The following ITPR2 variants were observed in gnomAD, a reference collection of about 807,000 sequenced individuals.
ITPR2 encodes the protein inositol 1,4,5-trisphosphate receptor type 2.
ITPR2 carries 207 observed loss-of-function variants against 317.1 expected under a neutral mutation model. The observed-to-expected ratio is 0.65, with a 90% confidence interval of 0.58 to 0.73. The LOEUF (loss-of-function observed/expected upper bound fraction) is 0.73. Among genes scored for constraint, ITPR2 ranks in the 30% least tolerant of loss-of-function variants. The pLI, the probability that ITPR2 is intolerant of heterozygous loss-of-function variation, is 0.00. For synonymous variants in ITPR2, 1,156 were observed against 1,149.1 expected (o/e 1.01, Z -0.12); for missense variants, 2,613 against 3,284.0 (o/e 0.80, Z 4.99).
chr12:26,751,736 G>T (rs1212832938), intron 2 of ITPR2, among the ~76,000 whole-genome samples: 2 of 151,974 alleles, frequency 1.3e-5, no homozygotes, highest in Admixed American at 1.3e-4. Context: ...CGTGGTGGTG[G>T]GCGCCTGTAG....
At chr12:26,668,773 A>G (rs755568261) in intron 13 of ITPR2, among the ~76,000 whole-genome samples, 40 of 151,866 alleles carry the variant, frequency 2.6e-4, no homozygotes, top group Non-Finnish European at 3.4e-4. Context: ...GTATTTTAAA[A>G]AGGCCAATAT....
intron 22 of ITPR2, among the ~76,000 whole-genome samples, chr12:26,631,496 T>C (rs1422571818): frequency 6.6e-6 from 1 of 152,172 alleles, no homozygotes; most frequent in African/African-American, 2.4e-5. Context: ...CAATTAAAAA[T>C]AGGAAAAGAG....
At chr12:26,618,653 C>T (rs1375627903) in intron 26 of ITPR2, among the ~76,000 whole-genome samples, 1 of 152,068 alleles carries the variant, frequency 6.6e-6, no homozygotes, top group African/African-American at 2.4e-5. Flanking sequence ...TGTAGATATC[C>T]CAAAAAATCT....
intron 10 of ITPR2, among the ~76,000 whole-genome samples, chr12:26,695,023 C>A (rs1470061420): frequency 6.6e-6 from 1 of 152,104 alleles, no homozygotes; most frequent in Non-Finnish European, 1.5e-5. Flanking sequence ...AGATACTGGC[C>A]ATGTTAATTA....
intron 2 of ITPR2, among the ~76,000 whole-genome samples, chr12:26,784,186 C>A (rs144124714): frequency 1.3e-5 from 2 of 151,766 alleles, no homozygotes; most frequent in African/African-American, 4.8e-5. Context: ...ATTCTATGTA[C>A]GTTTTCACAA....
intron 32 of ITPR2, among the ~76,000 whole-genome samples, chr12:26,586,096 T>C (rs1425041064): frequency 1.3e-5 from 2 of 152,248 alleles, no homozygotes; most frequent in African/African-American, 2.4e-5. Context: ...TGATGGTTAT[T>C]ACCCTTTTTA....
chr12:26,813,582 C>T (rs1950794182), intron 1 of ITPR2, among the ~76,000 whole-genome samples: 2 of 152,184 alleles, frequency 1.3e-5, no homozygotes, highest in Non-Finnish European at 2.9e-5. Flanking sequence ...TTTAGCCACA[C>T]CAAACTGCTG....
At chr12:26,732,955 C>T (rs772893669) in intron 2 of ITPR2, among the ~76,000 whole-genome samples, 3 of 152,196 alleles carry the variant, frequency 2.0e-5, no homozygotes, top group Non-Finnish European at 4.4e-5. Flanking sequence ...GCCTCTTTCC[C>T]ATAATAGATG....
At chr12:26,781,937 G>T (rs1185534100) in intron 2 of ITPR2, among the ~76,000 whole-genome samples, 2 of 147,302 alleles carry the variant, frequency 1.4e-5, no homozygotes, top group African/African-American at 5.1e-5. Context: ...GACTCAGATG[G>T]CCTATTGTGG....
intron 40 of ITPR2, 23 bp from the exon 41 acceptor site, chr12:26,486,383 A>G (rs1338952050): frequency 3.2e-6 from 5 of 1,568,592 alleles, no homozygotes; most frequent in Non-Finnish European, 4.4e-6. Flanking sequence ...CAGTACTTTT[A>G]TATTTCTGAA....
intron 2 of ITPR2, among the ~76,000 whole-genome samples, chr12:26,742,572 T>C (rs1949249936): frequency 6.6e-6 from 1 of 152,162 alleles, no homozygotes; most frequent in Non-Finnish European, 1.5e-5. Context: ...CCCAGCACTT[T>C]GGGAGGCTGA....
intron 24 of ITPR2, chr12:26,623,525 A>C (rs1946550195): frequency 6.6e-6 from 1 of 152,144 alleles, no homozygotes; most frequent in African/African-American, 2.4e-5. Context: ...TTATATATTA[A>C]ATTTTATCAT....
intron 22 of ITPR2, among the ~76,000 whole-genome samples, chr12:26,628,606 G>C (rs2136825451): frequency 6.6e-6 from 1 of 152,230 alleles, no homozygotes; most frequent in South Asian, 2.1e-4. Flanking sequence ...CTAAAGCCAG[G>C]TTCTAAAAGG....
In ITPR2 at chr12:26,823,477, T is replaced by C. The variant is rs537348198; in HGVS notation, c.92+9213A>G. ...AACAATTAAAGTAACAATTAATCCA[T>C]TGAGATAATAATTAAAAACAGCTTA... On this transcript the variant is annotated intron_variant, in intron 1 of 56. Transcript: ENST00000381340. 5.3e-5 allele frequency among the ~76,000 whole-genome samples: 8 copies of C among 152,306 alleles called. No individual in the cohort carries two copies. The South Asian group carries it at 8.3e-4, about 16-fold the overall frequency.
intron 37 of ITPR2, among the ~76,000 whole-genome samples, chr12:26,540,678 A>C (rs1473825037): frequency 6.6e-6 from 1 of 152,218 alleles, no homozygotes; most frequent in Non-Finnish European, 1.5e-5. Flanking sequence ...ATTTTGAAAG[A>C]GTAAAGTAAA....
chr12:26,609,518 C>T (rs1305784371), intron 26 of ITPR2, among the ~76,000 whole-genome samples: 2 of 152,042 alleles, frequency 1.3e-5, no homozygotes, highest in African/African-American at 4.8e-5. Flanking sequence ...AAGGGAGGAT[C>T]GCTGGAGCCT....
intron 1 of ITPR2, among the ~76,000 whole-genome samples, chr12:26,818,793 A>G (rs930094318): frequency 2.6e-5 from 4 of 152,202 alleles, no homozygotes; most frequent in Non-Finnish European, 5.9e-5. Context: ...CCCGAAATGC[A>G]AATGTTTAAG....
At chr12:26,687,440 CAG>C (rs1485584647) in intron 10 of ITPR2, among the ~76,000 whole-genome samples, 1 of 152,236 alleles carries the variant, frequency 6.6e-6, no homozygotes, top group East Asian at 1.9e-4. Context: ...GAAAGACAGA[CAG>C]AAACACTGTC....
intron 37 of ITPR2, among the ~76,000 whole-genome samples, chr12:26,510,576 T>A (rs570083657): frequency 1.3e-5 from 2 of 152,354 alleles, no homozygotes; most frequent in East Asian, 3.9e-4. Flanking sequence ...GGTCGCAGAA[T>A]GCCAAAGACA....
Sources: allele counts gnomAD v4.1 joint callset (sites outside exome capture counted in the v4.1 genomes callset), GRCh38; gene constraint gnomAD v4.1.1; transcripts MANE v1.5; gene names NCBI Gene and HGNC (gene_info 2026-07-23, HGNC 2026-07-21).